MPDZ: variants seen among roughly 807,000 people sequenced by gnomAD.
MPDZ encodes multiple PDZ domain crumbs cell polarity complex component.
In MPDZ, 234 loss-of-function variants were observed where a neutral mutation model predicts 239.1. The observed-to-expected ratio is 0.98, with a 90% CI of 0.88 to 1.09. MPDZ has a LOEUF of 1.09. Among genes scored for constraint, MPDZ ranks in the 50% least tolerant of loss-of-function variants. MPDZ has a pLI of 0.00. For missense variants in MPDZ, 3,175 were observed against 2,510.0 expected (o/e 1.26, Z -5.66); for synonymous variants, 1,048 against 881.3 (o/e 1.19, Z -3.35).
intron 27 of MPDZ, among the ~76,000 whole-genome samples, chr9:13,142,642 G>A (rs979826608): frequency 1.3e-5 from 2 of 152,064 alleles, no homozygotes; most frequent in African/African-American, 4.8e-5. Context: ...TAAAGGGTGT[G>A]GGAGCAAAAG....
In MPDZ at chr9:13,116,941, C is replaced by T. The variant is rs573182871; in HGVS notation, c.5380-1607G>A. Among the ~76,000 whole-genome samples the T allele has an allele frequency of 2.7e-3, 418 of 152,156 alleles. 2 individuals carry two copies. Among genetic ancestry groups the T allele is most frequent in the African/African-American group, 9.6e-3 (399 of 41,498 alleles). On this transcript the variant is annotated intron_variant, in intron 39 of 46. Coordinates refer to ENST00000319217, the MANE Select transcript of MPDZ (RefSeq NM_001378778.1). ...TATATTCCCCACTAATTACAGTAGTCCCCCTTTATTATAGGGGGGAATATG... is the reference window on the plus strand; with the variant it reads ...TATATTCCCCACTAATTACAGTAGTTCCCCTTTATTATAGGGGGGAATATG...
At chr9:13,255,083 A>C (rs1438387310) in intron 1 of MPDZ, among the ~76,000 whole-genome samples, 1 of 152,140 alleles carries the variant, frequency 6.6e-6, no homozygotes, top group Non-Finnish European at 1.5e-5. Context: ...AATAGCCTCA[A>C]CCCTTTGTTT....
At chr9:13,271,537 G>A (rs1473348822) in intron 1 of MPDZ, among the ~76,000 whole-genome samples, 2 of 152,116 alleles carry the variant, frequency 1.3e-5, no homozygotes, top group Non-Finnish European at 2.9e-5. Context: ...TCATGAAAAT[G>A]ATGCAAAAAC....
intron 1 of MPDZ, among the ~76,000 whole-genome samples, chr9:13,277,248 T>A (rs535242254): frequency 6.6e-6 from 1 of 150,854 alleles, no homozygotes; most frequent in Non-Finnish European, 1.5e-5. Flanking sequence ...AGGAGTGTGG[T>A]AAAGGGACAA....
intron 41 of MPDZ, among the ~76,000 whole-genome samples, 199 bp from the exon 42 acceptor site, chr9:13,113,253 C>A (rs1466156560): frequency 2.0e-5 from 3 of 152,018 alleles, no homozygotes; most frequent in Non-Finnish European, 4.4e-5. Context: ...AACGTGTATA[C>A]CATCCCATTC....
intron 25 of MPDZ, among the ~76,000 whole-genome samples, 193 bp from the exon 26 acceptor site, chr9:13,147,851 A>T (rs1948643617): frequency 1.3e-5 from 2 of 152,078 alleles, no homozygotes; most frequent in Admixed American, 6.6e-5. Flanking sequence ...TGCTTTGGAC[A>T]CATATCTCTG....
At chr9:13,108,812 G>T in intron 46 of MPDZ, 124 bp downstream of exon 46, 1 of 954,538 alleles carries the variant, frequency 1.0e-6, no homozygotes, top group Admixed American at 3.4e-5. Flanking sequence ...AGGGAGTTTT[G>T]AAAAGAAATG....
chr9:13,123,066 C>T (rs774171328), intron 36 of MPDZ, 87 bp downstream of exon 36: 90 of 1,383,340 alleles, frequency 6.5e-5, no homozygotes, highest in Non-Finnish European at 8.1e-5. Context: ...ATTTCCTTTA[C>T]TAGAACTGAT....
chr9:13,196,436 CA>C (rs1955659598), intron 12 of MPDZ, among the ~76,000 whole-genome samples: 2 of 152,248 alleles, frequency 1.3e-5, no homozygotes, highest in South Asian at 4.1e-4. Context: ...TCACTTTTAA[CA>C]GATGTATTTT....
intron 26 of MPDZ, among the ~76,000 whole-genome samples, chr9:13,144,044 T>C (rs1379398382): frequency 6.6e-6 from 1 of 152,090 alleles, no homozygotes; most frequent in Non-Finnish European, 1.5e-5. Context: ...TCTTTTATTT[T>C]GCATCCTAGT....
At chr9:13,139,865 C>A (rs1271695801) in intron 28 of MPDZ, 122 bp downstream of exon 28, 8 of 1,116,810 alleles carry the variant, frequency 7.2e-6, no homozygotes, top group Admixed American at 3.4e-5. Context: ...TCTTTCCACA[C>A]AGAATTGCAG....
chr9:13,192,887 T>G (rs1377086857), intron 14 of MPDZ, among the ~76,000 whole-genome samples: 2 of 152,170 alleles, frequency 1.3e-5, no homozygotes, highest in East Asian at 3.8e-4. Flanking sequence ...AATGCGTTAC[T>G]TATTCTAAAA....
chr9:13,196,268 C>A, intron 12 of MPDZ, 38 bp from the exon 13 acceptor site: 1 of 1,374,002 alleles, frequency 7.3e-7, no homozygotes. Flanking sequence ...CAGCAAACTA[C>A]AGAAATCTCC....
chr9:13,122,483 T>A (rs4740545), intron 36 of MPDZ, among the ~76,000 whole-genome samples: 3 of 151,786 alleles, frequency 2.0e-5, no homozygotes, highest in African/African-American at 7.3e-5. Context: ...ATTTTTGACA[T>A]CTAGAAGACT....
At chr9:13,225,771 A>G (rs1209568940) in intron 3 of MPDZ, among the ~76,000 whole-genome samples, 2 of 152,058 alleles carry the variant, frequency 1.3e-5, no homozygotes, top group African/African-American at 2.4e-5. Flanking sequence ...CGATGTTTGC[A>G]CAAGGATGAA....
Position 13,222,360 on chromosome 9 carries a change from C to T in MPDZ, c.620G>A (p.Ser207Asn). Reference protein sequence around the residue: ...DQTITHQQAISILQKAKDTVQ... With the variant: ...DQTITHQQAINILQKAKDTVQ... ...AGTATCTTTGGCTTTCTGCAGGATG[C>T]TGATAGCCTGCTGATGTGTAATTGT... The change falls in exon 6 of 47, where the codon AGC becomes AAC. Residue 207 changes from serine to asparagine, a missense_variant. Coordinates refer to ENST00000319217, the MANE Select transcript of MPDZ (RefSeq NM_001378778.1). 1.2e-6 allele frequency: 2 copies of T among 1,612,882 alleles called. No individual in the cohort carries two copies. Among genetic ancestry groups the T allele is most frequent in the Non-Finnish European group, 1.7e-6 (2 of 1,179,222 alleles).
chr9:13,136,349 T>TTTTTTTTTTTTTTTTA (rs1946782722), intron 30 of MPDZ, among the ~76,000 whole-genome samples, 167 bp from the exon 31 acceptor site: 1 of 140,998 alleles, frequency 7.1e-6, no homozygotes. Context: ...TTTTTTTTTT[T>TTTTTTTTTTTTTTTTA]GAGACAGAGT....
chr9:13,221,565 T>A, intron 6 of MPDZ, 65 bp from the exon 7 acceptor site: 4 of 1,532,932 alleles, frequency 2.6e-6, no homozygotes, highest in Non-Finnish European at 2.6e-6. Context: ...TACATTACAG[T>A]AGAAATTTTT....
Position 13,217,294 on chromosome 9 carries a change from C to T in MPDZ, c.1087G>A (p.Val363Ile), listed in dbSNP as rs1267446687. 5 of 1,564,570 alleles carry T rather than the reference C, an allele frequency of 3.2e-6. No individual in the cohort carries two copies. In the Admixed American group the frequency reaches 7.3e-5, roughly 23 times the overall value. Residue 363 changes from valine to isoleucine, a missense_variant and splice_region_variant, in exon 9 of 47, where the codon GTT becomes ATT. By Grantham distance (29) the Val-to-Ile change is conservative (BLOSUM62 3). Coordinates refer to ENST00000319217, the MANE Select transcript of MPDZ (RefSeq NM_001378778.1). ...TCACCTTTCTGAGTAGAAGCATCAA[C>T]CTAAAATAAAATCAATAAATATACA... ...SSPTSTPELR[V>I]DASTQKGEES...
Sources: gnomAD v4.1 joint callset for allele counts (sites outside exome capture counted in the v4.1 genomes callset) on GRCh38, gnomAD v4.1.1 for gene constraint, MANE v1.5 for transcripts, NCBI Gene and HGNC (gene_info 2026-07-23, HGNC 2026-07-21) for gene names.